ZNF354C: variants seen among roughly 807,000 people sequenced by gnomAD.
The protein encoded by ZNF354C is KRAB-zinc finger protein synten.
A neutral mutation model predicts 12.4 loss-of-function variants in ZNF354C; 7 were observed. The ratio of observed to expected loss-of-function variants is 0.56; its 90% CI spans 0.32 to 1.06. The LOEUF (loss-of-function observed/expected upper bound fraction) is 1.06. ZNF354C is among the 50% of genes least tolerant of loss of function. ZNF354C has a pLI of 0.04. For missense variants in ZNF354C, 609 were observed against 658.0 expected (o/e 0.93, Z 0.81); for synonymous variants, 202 against 224.5 (o/e 0.90, Z 0.90).
At chr5:179,068,890 G>T (rs1761998394) in intron 2 of ZNF354C, among the ~76,000 whole-genome samples, 1 of 152,224 alleles carries the variant, frequency 6.6e-6, no homozygotes, top group Non-Finnish European at 1.5e-5. Context: ...CTTGATGGCT[G>T]CCTTCTCGCT....
chr5:179,065,761 T>A (rs1298239775), intron 2 of ZNF354C, among the ~76,000 whole-genome samples: 3 of 152,174 alleles, frequency 2.0e-5, no homozygotes, highest in Non-Finnish European at 4.4e-5. Context: ...ATTTGCGTGA[T>A]GTTTTTTCTC....
At chr5:179,073,230 G>A (rs1762073086) in intron 2 of ZNF354C, among the ~76,000 whole-genome samples, 1 of 152,058 alleles carries the variant, frequency 6.6e-6, no homozygotes, top group Non-Finnish European at 1.5e-5. Flanking sequence ...GCCATTTTCA[G>A]GTAAAATAAA....
At chr5:179,077,949 G>A (rs1297457616) in intron 4 of ZNF354C, among the ~76,000 whole-genome samples, 1 of 151,868 alleles carries the variant, frequency 6.6e-6, no homozygotes, top group Non-Finnish European at 1.5e-5. Context: ...GGGACCACAG[G>A]TACATGCCAC....
chr5:179,066,880 G>C (rs1042896116), intron 2 of ZNF354C, among the ~76,000 whole-genome samples: 1 of 152,134 alleles, frequency 6.6e-6, no homozygotes, highest in Non-Finnish European at 1.5e-5. Context: ...TTTGAGGTTT[G>C]AGATGTGCTG....
In ZNF354C at chr5:179,083,147, A is replaced by G; in HGVS notation, c.*3050A>G. 2.0e-6 allele frequency: 1 copy of G among 501,546 alleles called. No individual in the cohort carries two copies. Among genetic ancestry groups the G allele is most frequent in the South Asian group, 3.5e-5 (1 of 28,894 alleles). The allele number at this position is 501,546 out of a possible 1,614,324, so 31.1% of individuals were successfully genotyped here. A position where few individuals can be genotyped will look rare whatever the true frequency, so the allele number is the denominator to read the frequency against. On this transcript the variant is annotated 3_prime_UTR_variant, in exon 5 of 5. Coordinates refer to ENST00000315475, the MANE Select transcript of ZNF354C (RefSeq NM_014594.3). Reference sequence around the variant, plus strand: ...TAAAACAAAAAGTGGTCTCTGCTAGATTAAGACAAGAGACATAACCAAATG... The same window carrying G: ...TAAAACAAAAAGTGGTCTCTGCTAGGTTAAGACAAGAGACATAACCAAATG...
At chr5:179,078,606 C>T (rs1173212358) in intron 4 of ZNF354C, 77 bp from the exon 5 acceptor site, 2 of 1,126,860 alleles carry the variant, frequency 1.8e-6, no homozygotes, top group East Asian at 4.8e-5. Context: ...TATACTGTTA[C>T]CAGTTTTTTT....
intron 2 of ZNF354C, among the ~76,000 whole-genome samples, chr5:179,062,468 G>C (rs1462692901): frequency 6.6e-6 from 1 of 152,160 alleles, no homozygotes; most frequent in Non-Finnish European, 1.5e-5. Context: ...GCCTCCACAA[G>C]CATTTATTGA....
intron 2 of ZNF354C, among the ~76,000 whole-genome samples, chr5:179,074,108 G>A (rs1231014286): frequency 6.6e-6 from 1 of 151,674 alleles, no homozygotes. Flanking sequence ...TCAGCCTCCC[G>A]AGTAGCTGGG....
At position 179,060,837 on chromosome 5, in the gene ZNF354C, A is replaced by T. The variant is rs1183643661; in HGVS notation, c.-55+171A>T. Among the ~76,000 whole-genome samples the T allele has an allele frequency of 2.2e-4, 33 of 152,186 alleles. 1 individual carries two copies. Among genetic ancestry groups the T allele is most frequent in the Admixed American group, 2.2e-3 (33 of 15,282 alleles). On this transcript the variant is annotated intron_variant, in intron 1 of 4. Transcript: ENST00000315475. The surrounding 1 kb of genome is among the most constrained non-coding windows in gnomAD (Gnocchi z 4.2). ...GGCACCAGACTAGCGCATCGCCCGA[A>T]CGAACTCCGCGCATCCCTGCTAACA...
At chr5:179,069,693 G>C (rs944680700) in intron 2 of ZNF354C, among the ~76,000 whole-genome samples, 1 of 151,016 alleles carries the variant, frequency 6.6e-6, no homozygotes, top group African/African-American at 2.4e-5. Context: ...GCGAAACCCC[G>C]TCTCTACTAA....
At chr5:179,070,010 C>T (rs1762027510) in intron 2 of ZNF354C, among the ~76,000 whole-genome samples, 1 of 152,210 alleles carries the variant, frequency 6.6e-6, no homozygotes, top group Admixed American at 6.5e-5. Flanking sequence ...GAACAAAGGT[C>T]TCCAACCCCC....
chr5:179,080,165 C>T lies in ZNF354C; in HGVS notation c.*68C>T. ...GGAATAATAAATAGGGTACAAACTC[C>T]TAATAGATTTGTCTTTTTTACTTCT... On this transcript the variant is annotated 3_prime_UTR_variant, in exon 5 of 5. Transcript: ENST00000315475. The T allele has an allele frequency of 8.3e-7, 1 of 1,201,928 alleles. No homozygotes were observed. The highest frequency in any genetic ancestry group is 1.2e-6 in the Non-Finnish European group (1 of 866,326). The allele number at this position is 1,201,928 out of a possible 1,614,324, so 74.5% of individuals were successfully genotyped here. A position where few individuals can be genotyped will look rare whatever the true frequency, so the allele number is the denominator to read the frequency against.
rs1446901345 is a variant in ZNF354C, at chr5:179,082,091, A to T, written c.*1994A>T. The T allele has an allele frequency of 2.0e-5, 3 of 152,330 alleles. No homozygotes were observed. Among genetic ancestry groups the T allele is most frequent in the African/African-American group, 4.8e-5 (2 of 41,470 alleles). The allele number at this position is 152,330 out of a possible 1,614,324, so 9.4% of individuals were successfully genotyped here. On this transcript the variant is annotated 3_prime_UTR_variant, in exon 5 of 5. Transcript: ENST00000315475. ...AAAAATTACCATTTTACAACCCTTA[A>T]TGTAATTAAATCTGGCAAAAATCGA...
In ZNF354C at chr5:179,082,764, C is replaced by G; in HGVS notation, c.*2667C>G. 1 of 1,382,856 alleles carries G rather than the reference C, an allele frequency of 7.2e-7. No individual in the cohort carries two copies. Among genetic ancestry groups the G allele is most frequent in the Non-Finnish European group, 1.0e-6 (1 of 970,980 alleles). 85.7% of individuals were successfully genotyped at this position (1,382,856 alleles called of 1,614,324 possible). ...CCTTGGCTGACGAAGAGCCATTAGG[C>G]GAGGATCACTGGCATCATCCAGGGT... On this transcript the variant is annotated 3_prime_UTR_variant, in exon 5 of 5. Coordinates refer to ENST00000315475, the MANE Select transcript of ZNF354C (RefSeq NM_014594.3).
chr5:179,083,092 T>G lies in ZNF354C; in HGVS notation c.*2995T>G. On this transcript the variant is annotated 3_prime_UTR_variant, in exon 5 of 5. Transcript: ENST00000315475. ...AGCCATAGTTTGTGCATTTTGGCCC[T>G]GGTCTGGACTTTTCAAAAAGCAAAT... The G allele has an allele frequency of 1.6e-6, 1 of 643,146 alleles. No homozygotes were observed. Among genetic ancestry groups the G allele is most frequent in the Non-Finnish European group, 2.7e-6 (1 of 373,502 alleles). 39.8% of individuals were successfully genotyped at this position (643,146 alleles called of 1,614,324 possible). A position where few individuals can be genotyped will look rare whatever the true frequency, so the allele number is the denominator to read the frequency against.
Position 179,062,449 on chromosome 5 carries a change from C to T in ZNF354C, c.27+354C>T, listed in dbSNP as rs116232491. Among the ~76,000 whole-genome samples, 894 of 152,150 alleles carry T rather than the reference C, an allele frequency of 5.9e-3. 12 individuals carry two copies. The highest frequency in any genetic ancestry group is 0.02 in the African/African-American group (843 of 41,492). On this transcript the variant is annotated intron_variant, in intron 2 of 4. Transcript: ENST00000315475. The stretch of plus-strand genomic sequence containing the variant: ...ACTTGGGGCTAAGATGTGGAAGGGC[C>T]GGAAGACAGCCTCCACAAGCATTTA...
At chr5:179,073,170 A>G (rs1314016426) in intron 2 of ZNF354C, among the ~76,000 whole-genome samples, 1 of 152,234 alleles carries the variant, frequency 6.6e-6, no homozygotes, top group African/African-American at 2.4e-5. Flanking sequence ...AAATCAACCC[A>G]GAATTCTATA....
intron 1 of ZNF354C, among the ~76,000 whole-genome samples, chr5:179,061,001 A>T (rs557181592): frequency 6.6e-6 from 1 of 152,330 alleles, no homozygotes; most frequent in South Asian, 2.1e-4. Flanking sequence ...TGGGCAGGTC[A>T]CGACCTCCTG....
intron 4 of ZNF354C, among the ~76,000 whole-genome samples, 192 bp from the exon 5 acceptor site, chr5:179,078,491 C>T (rs1047377289): frequency 6.6e-6 from 1 of 152,192 alleles, no homozygotes; most frequent in Admixed American, 6.5e-5. Flanking sequence ...TGTATTCTCC[C>T]ATGCCATTCC....
Sources: allele counts gnomAD v4.1 joint callset (sites outside exome capture counted in the v4.1 genomes callset), GRCh38; gene constraint gnomAD v4.1.1; non-coding constraint Gnocchi (gnomAD v3.1); transcripts MANE v1.5; gene names NCBI Gene and HGNC (gene_info 2026-07-23, HGNC 2026-07-21).